ZNF385D: variants seen among roughly 807,000 people sequenced by gnomAD.
The protein encoded by ZNF385D is zinc finger protein 659.
ZNF385D carries 15 observed loss-of-function variants against 35.8 expected under a neutral mutation model. That is an observed-to-expected ratio of 0.42 (90% CI 0.28 to 0.64). ZNF385D has a LOEUF of 0.64. Ranked by LOEUF, ZNF385D falls within the 30% of genes least tolerant of loss-of-function variation. The pLI is 0.23. For synonymous variants in ZNF385D, 212 were observed against 186.8 expected (o/e 1.13, Z -1.10); for missense variants, 474 against 494.6 (o/e 0.96, Z 0.39).
chr3:21,594,043 C>T (rs1355660733), intron 2 of ZNF385D, among the ~76,000 whole-genome samples: 2 of 152,128 alleles, frequency 1.3e-5, no homozygotes, highest in Non-Finnish European at 2.9e-5. Flanking sequence ...CACAGCTTTT[C>T]ACTGGAGTTG....
intron 3 of ZNF385D, among the ~76,000 whole-genome samples, chr3:21,895,004 G>T (rs925609936): frequency 6.6e-6 from 1 of 152,114 alleles, no homozygotes; most frequent in Non-Finnish European, 1.5e-5. Context: ...CATGCATAAA[G>T]TGAAGTAGGA....
intron 3 of ZNF385D, among the ~76,000 whole-genome samples, chr3:21,792,364 C>G (rs2071965940): frequency 6.6e-6 from 1 of 152,182 alleles, no homozygotes; most frequent in Non-Finnish European, 1.5e-5. Context: ...TACCCCACTA[C>G]AGCCCTCAGA....
At chr3:22,289,254 A>G (rs564165621) in intron 2 of ZNF385D, among the ~76,000 whole-genome samples, 1 of 152,062 alleles carries the variant, frequency 6.6e-6, no homozygotes, top group East Asian at 1.9e-4. Flanking sequence ...ATATAGGGAG[A>G]CTCAAGCATG....
At chr3:22,079,523 TTAG>T (rs1006044112) in intron 3 of ZNF385D, among the ~76,000 whole-genome samples, 3 of 151,946 alleles carry the variant, frequency 2.0e-5, no homozygotes, top group African/African-American at 4.8e-5. Context: ...TAATTACCAA[TTAG>T]TAGATGATTA....
chr3:21,974,139 A>G (rs1214539647), intron 3 of ZNF385D, among the ~76,000 whole-genome samples: 1 of 152,094 alleles, frequency 6.6e-6, no homozygotes, highest in African/African-American at 2.4e-5. Flanking sequence ...AATTTGAACA[A>G]AACTTGAGGA....
chr3:22,136,066 C>T (rs10049378), intron 3 of ZNF385D, among the ~76,000 whole-genome samples: 1 of 152,034 alleles, frequency 6.6e-6, no homozygotes, highest in Admixed American at 6.6e-5. Context: ...GTGAAGGGAT[C>T]TAAGACATGA....
chr3:22,303,880 C>A (rs114397898), intron 2 of ZNF385D, among the ~76,000 whole-genome samples: 5 of 152,060 alleles, frequency 3.3e-5, no homozygotes, highest in East Asian at 3.9e-4. Context: ...GAGGTTCAAG[C>A]GATTCTTCTG....
chr3:21,554,196 G>C (rs189062435), intron 3 of ZNF385D, among the ~76,000 whole-genome samples: 1 of 152,180 alleles, frequency 6.6e-6, no homozygotes. Flanking sequence ...AATAAGAGTG[G>C]GAAGTCAAAA....
At chr3:21,434,952 C>G (rs1345742617) in intron 5 of ZNF385D, among the ~76,000 whole-genome samples, 26 of 152,118 alleles carry the variant, frequency 1.7e-4, no homozygotes, top group Non-Finnish European at 3.5e-4. Flanking sequence ...ATTTCACCTC[C>G]TTAAACTCTT....
chr3:21,778,369 C>T (rs1420354105), intron 3 of ZNF385D, among the ~76,000 whole-genome samples: 5 of 152,024 alleles, frequency 3.3e-5, no homozygotes, highest in East Asian at 1.9e-4. Flanking sequence ...TTCATTTTAT[C>T]CCTACCCGCA....
At chr3:21,816,336 C>T (rs2125720015) in intron 3 of ZNF385D, among the ~76,000 whole-genome samples, 1 of 152,194 alleles carries the variant, frequency 6.6e-6, no homozygotes, top group South Asian at 2.1e-4. Flanking sequence ...CCAGGGCAAT[C>T]AGGCAGGAGA....
chr3:21,600,305 G>A (rs898136497), intron 2 of ZNF385D, among the ~76,000 whole-genome samples: 1 of 151,880 alleles, frequency 6.6e-6, no homozygotes, highest in African/African-American at 2.4e-5. Flanking sequence ...TTTGTTGCAC[G>A]AGATCCAAGA....
intron 2 of ZNF385D, among the ~76,000 whole-genome samples, chr3:21,577,461 G>A (rs976227630): frequency 3.3e-5 from 5 of 152,140 alleles, no homozygotes; most frequent in Admixed American, 2.0e-4. Context: ...ATAATACTGC[G>A]ATAAACACAG....
intron 2 of ZNF385D, among the ~76,000 whole-genome samples, chr3:22,241,921 G>T (rs1008075061): frequency 2.7e-5 from 4 of 150,672 alleles, no homozygotes; most frequent in African/African-American, 9.8e-5. Flanking sequence ...TTGTAAAGGA[G>T]CTTCTTTAAA....
intron 2 of ZNF385D, among the ~76,000 whole-genome samples, chr3:22,228,627 C>A (rs186361111): frequency 5.6e-4 from 86 of 152,246 alleles, no homozygotes; most frequent in African/African-American, 2.0e-3. Context: ...AGTGTCAACT[C>A]GATTGGTTTG....
chr3:21,424,545 C>A lies in ZNF385D; in HGVS notation c.853-481G>T, dbSNP rs150164130. Among the ~76,000 whole-genome samples, 518 of 150,578 alleles carry A rather than the reference C, an allele frequency of 3.4e-3. 23 individuals are homozygous for A. In the East Asian group the frequency reaches 0.056, roughly 16 times the overall value. ...GGCCAGGCTGGTCTTGAACTCTTGA[C>A]CTCTTGATACACCTGCCTCAGCCTC... On this transcript the variant is annotated intron_variant, in intron 6 of 7. Coordinates refer to ENST00000281523, the MANE Select transcript of ZNF385D (RefSeq NM_024697.3).
At chr3:21,570,070 A>T (rs1251247086) in intron 2 of ZNF385D, among the ~76,000 whole-genome samples, 1 of 151,634 alleles carries the variant, frequency 6.6e-6, no homozygotes, top group Non-Finnish European at 1.5e-5. Flanking sequence ...TAATAATAAT[A>T]AAAAAAATTA....
intron 2 of ZNF385D, among the ~76,000 whole-genome samples, chr3:22,325,111 T>C (rs181905521): frequency 6.6e-6 from 1 of 152,224 alleles, no homozygotes. Context: ...AGTGTAATTA[T>C]GTATATTACC....
intron 3 of ZNF385D, among the ~76,000 whole-genome samples, chr3:21,902,324 T>C (rs1419979963): frequency 6.6e-6 from 1 of 152,140 alleles, no homozygotes; most frequent in Non-Finnish European, 1.5e-5. Context: ...CTTGTGTTGT[T>C]CTATGTTAGG....
Sources: allele counts gnomAD v4.1 joint callset (sites outside exome capture counted in the v4.1 genomes callset), GRCh38; gene constraint gnomAD v4.1.1; transcripts MANE v1.5; gene names NCBI Gene and HGNC (gene_info 2026-07-23, HGNC 2026-07-21).